YME1L1: variants seen among roughly 807,000 people sequenced by gnomAD.
YME1L1 encodes ATP-dependent zinc metalloprotease YME1L1.
Under a neutral mutation model 90.4 loss-of-function variants are expected in YME1L1, and 39 were observed. The ratio of observed to expected loss-of-function variants is 0.43; its 90% CI spans 0.33 to 0.56. The LOEUF is 0.56. Ranked by LOEUF, YME1L1 falls within the 20% of genes least tolerant of loss-of-function variation. The pLI, the probability that YME1L1 is intolerant of heterozygous loss-of-function variation, is 0.03. For synonymous variants in YME1L1, 284 were observed against 287.3 expected, an observed-to-expected ratio of 0.99 and a Z score of 0.12; for missense variants, 617 against 868.4, an observed-to-expected ratio of 0.71 and a Z score of 3.64.
intron 8 of YME1L1, chr10:27,129,221 G>C (rs11599477): frequency 3.3e-4 from 50 of 149,558 alleles, no homozygotes; most frequent in African/African-American, 1.2e-3. Context: ...GCTCAATTTA[G>C]AAAAGGCATG....
chr10:27,136,398 A>G lies in YME1L1; in HGVS notation c.431-13T>C. 6.3e-7 allele frequency: 1 copy of G among 1,592,310 alleles called. No homozygotes were observed. The highest frequency in any genetic ancestry group is 8.6e-7 in the Non-Finnish European group (1 of 1,163,218). On this transcript the variant is annotated splice_polypyrimidine_tract_variant and intron_variant, in intron 4 of 18. Coordinates refer to ENST00000376016, the MANE Select transcript of YME1L1 (RefSeq NM_014263.4). ...GACTGTATGAAAACTAAATAAAACA[A>G]TACCATTCACTGTCACTATAAATTG...
rs2057004020 is a variant in YME1L1, at chr10:27,134,214, A to G, written c.692-92T>C. 5 of 980,362 alleles carry G rather than the reference A, an allele frequency of 5.1e-6. No individual in the cohort carries two copies. The South Asian group carries it at 6.3e-5, about 12-fold the overall frequency. 60.7% of individuals were successfully genotyped at this position (980,362 alleles called of 1,614,324 possible). A position where few individuals can be genotyped will look rare whatever the true frequency, so the allele number is the denominator to read the frequency against. On this transcript the variant is annotated intron_variant, in intron 6 of 18. Transcript: ENST00000376016. ...AAATATTAGGTTATTGTTAATAATC[A>G]TATTTCATCACATCCAATTTTGGAA...
chr10:27,116,949 G>A (rs1353613496), intron 15 of YME1L1, among the ~76,000 whole-genome samples: 2 of 152,028 alleles, frequency 1.3e-5, no homozygotes, highest in East Asian at 1.9e-4. Flanking sequence ...CCGTAAGACT[G>A]GGCAAAATAA....
chr10:27,121,656 C>T (rs975274078), intron 11 of YME1L1, among the ~76,000 whole-genome samples: 3 of 152,068 alleles, frequency 2.0e-5, no homozygotes, highest in African/African-American at 7.2e-5. Flanking sequence ...TCTCAAGTAG[C>T]TGGAATGACA....
chr10:27,142,129 AG>A (rs1234237882), intron 4 of YME1L1, among the ~76,000 whole-genome samples: 4 of 152,112 alleles, frequency 2.6e-5, no homozygotes, highest in Non-Finnish European at 5.9e-5. Context: ...AAATGTGGTT[AG>A]TCATTTATCT....
At chr10:27,151,856 G>A (rs1045108784) in intron 1 of YME1L1, among the ~76,000 whole-genome samples, 2 of 149,954 alleles carry the variant, frequency 1.3e-5, no homozygotes, top group Admixed American at 6.6e-5. Flanking sequence ...ACTCCAGCCT[G>A]GGCGACAGAG....
intron 3 of YME1L1, among the ~76,000 whole-genome samples, 178 bp downstream of exon 3, chr10:27,145,250 T>C (rs1270726249): frequency 6.6e-6 from 1 of 151,836 alleles, no homozygotes; most frequent in Non-Finnish European, 1.5e-5. Flanking sequence ...TCTTTGCAAC[T>C]TTCCTGTAAA....
intron 9 of YME1L1, among the ~76,000 whole-genome samples, chr10:27,124,018 G>C (rs2056892803): frequency 6.6e-6 from 1 of 152,062 alleles, no homozygotes; most frequent in African/African-American, 2.4e-5. Context: ...TAGATTAAAA[G>C]ACTAAACAAC....
intron 8 of YME1L1, among the ~76,000 whole-genome samples, chr10:27,129,972 G>T (rs1480196478): frequency 1.3e-5 from 2 of 152,056 alleles, no homozygotes; most frequent in Non-Finnish European, 2.9e-5. Context: ...TTTGTATTAT[G>T]AGATACATTA....
At chr10:27,127,787 C>A (rs1267725456) in intron 8 of YME1L1, among the ~76,000 whole-genome samples, 1 of 152,082 alleles carries the variant, frequency 6.6e-6, no homozygotes, top group Non-Finnish European at 1.5e-5. Context: ...GTACTTATAA[C>A]ACAGACAGTT....
chr10:27,146,703 A>T (rs2057147092), intron 2 of YME1L1: 1 of 152,282 alleles, frequency 6.6e-6, no homozygotes, highest in African/African-American at 2.4e-5. Flanking sequence ...TGGGCTACAA[A>T]GGGGAGACCC....
In YME1L1 at chr10:27,110,772, C is replaced by T. The variant is rs370743602; in HGVS notation, c.*1205G>A. On this transcript the variant is annotated 3_prime_UTR_variant, in exon 19 of 19. Coordinates refer to ENST00000376016, the MANE Select transcript of YME1L1 (RefSeq NM_014263.4). ...GGTTATGTATTTATTTAACAAAATA[C>T]TGCTTCTCTGAAGTACATTTCATTA... 7.2e-5 allele frequency: 11 copies of T among 152,258 alleles called. No homozygotes were observed. In the East Asian group the frequency reaches 1.5e-3, roughly 21 times the overall value. 9.4% of individuals were successfully genotyped at this position (152,258 alleles called of 1,614,324 possible). A position where few individuals can be genotyped will look rare whatever the true frequency, so the allele number is the denominator to read the frequency against.
chr10:27,151,993 T>C (rs2057225258), intron 1 of YME1L1, among the ~76,000 whole-genome samples: 4 of 152,136 alleles, frequency 2.6e-5, no homozygotes, highest in Admixed American at 2.6e-4. Flanking sequence ...AATGAGATTA[T>C]GGGCGATCTT....
At chr10:27,134,481 G>A (rs2057006524) in intron 6 of YME1L1, among the ~76,000 whole-genome samples, 1 of 152,196 alleles carries the variant, frequency 6.6e-6, no homozygotes, top group Non-Finnish European at 1.5e-5. Context: ...AGGCTGAGGT[G>A]AGAGGATCAC....
In YME1L1 at chr10:27,145,505, A is replaced by T; in HGVS notation, c.254T>A (p.Phe85Tyr). ...GGAAGAAATGTTTTTGCCTTTACAA[A>T]ATCCAGGAAGTAGATTTTCTACCAG... ...DQLVENLLPG[F>Y]CKGKNISSHW... The change falls in exon 3 of 19, where the codon TTT becomes TAT. Residue 85 changes from phenylalanine (F) to tyrosine (Y), a missense_variant. By Grantham distance (22) the Phe-to-Tyr change is conservative (BLOSUM62 3). This residue lies in a region of YME1L1 where 311 missense variants were observed against 335.8 expected (regional missense o/e 0.93). Coordinates refer to ENST00000376016, the MANE Select transcript of YME1L1 (RefSeq NM_014263.4). The T allele has an allele frequency of 6.2e-7, 1 of 1,613,680 alleles. No homozygotes were observed. The highest frequency in any genetic ancestry group is 8.5e-7 in the Non-Finnish European group (1 of 1,179,732).
intron 18 of YME1L1, 45 bp from the exon 19 acceptor site, chr10:27,112,165 T>G (rs200621892): frequency 2.2e-5 from 35 of 1,560,712 alleles, no homozygotes; most frequent in Admixed American, 8.1e-5. Context: ...AATGCAGGGA[T>G]GCGAAAACCA....
In YME1L1 at chr10:27,154,357, C is replaced by T. The variant is rs2057286989; in HGVS notation, c.-147G>A. On this transcript the variant is annotated 5_prime_UTR_variant, in exon 1 of 19. Transcript: ENST00000376016. ...CTCCCAGAAACGGAAAATGGCCTCC[C>T]CTTCCTACAGCTACTGCAACGACAG... is the stretch of plus-strand genomic sequence containing the variant. 4 of 907,410 alleles carry T rather than the reference C, an allele frequency of 4.4e-6. No homozygotes were observed. The highest frequency in any genetic ancestry group is 2.7e-5 in the Admixed American group (1 of 36,396). The allele number at this position is 907,410 out of a possible 1,614,324, so 56.2% of individuals were successfully genotyped here. A position where few individuals can be genotyped will look rare whatever the true frequency, so the allele number is the denominator to read the frequency against.
chr10:27,139,956 T>A (rs1338688181), intron 4 of YME1L1, among the ~76,000 whole-genome samples: 1 of 152,216 alleles, frequency 6.6e-6, no homozygotes, highest in Non-Finnish European at 1.5e-5. Flanking sequence ...TGTGTATTAA[T>A]TTCTTCTATT....
intron 4 of YME1L1, among the ~76,000 whole-genome samples, chr10:27,137,801 TTAGA>T (rs1412899545): frequency 1.2e-4 from 18 of 152,286 alleles, no homozygotes; most frequent in African/African-American, 4.3e-4. Flanking sequence ...CCATTTTTAT[TTAGA>T]TAATATGGAT....
Sources: gnomAD v4.1 joint callset for allele counts (sites outside exome capture counted in the v4.1 genomes callset) on GRCh38, gnomAD v4.1.1 for gene constraint, gnomAD v4.1.1 regional missense constraint, MANE v1.5 for transcripts, NCBI Gene and HGNC (gene_info 2026-07-23, HGNC 2026-07-21) for gene names.